DGKH: variants seen among roughly 807,000 people sequenced by gnomAD.
The protein encoded by DGKH is DAG kinase eta.
DGKH carries 90 observed loss-of-function variants against 159.3 expected under a neutral mutation model. The observed-to-expected ratio is 0.57, with a 90% confidence interval of 0.48 to 0.67. The LOEUF is 0.67. DGKH is among the 30% of genes least tolerant of loss of function. The pLI, the probability that DGKH is intolerant of heterozygous loss-of-function variation, is 0.00. For synonymous variants in DGKH, 536 were observed against 553.8 expected, an observed-to-expected ratio of 0.97 and a Z score of 0.45; for missense variants, 1,181 against 1,506.1, an observed-to-expected ratio of 0.78 and a Z score of 3.57.
intron 17 of DGKH, among the ~76,000 whole-genome samples, chr13:42,197,853 T>A (rs990071500): frequency 6.6e-6 from 1 of 152,274 alleles, no homozygotes; most frequent in Non-Finnish European, 1.5e-5. Context: ...ATCATAAAAT[T>A]CATTAGCTTT....
At chr13:42,200,424 G>C (rs751642878) in intron 20 of DGKH, among the ~76,000 whole-genome samples, 9 of 152,126 alleles carry the variant, frequency 5.9e-5, no homozygotes, top group Non-Finnish European at 1.3e-4. Flanking sequence ...GACAGAAAAA[G>C]TTATTTTATT....
intron 11 of DGKH, among the ~76,000 whole-genome samples, chr13:42,169,105 T>C (rs1237309819): frequency 6.6e-6 from 1 of 152,200 alleles, no homozygotes; most frequent in African/African-American, 2.4e-5. Context: ...ACTATTTACT[T>C]TTAATTGCAG....
chr13:42,142,555 A>G (rs1450207683), intron 3 of DGKH, among the ~76,000 whole-genome samples: 16 of 151,498 alleles, frequency 1.1e-4, no homozygotes, highest in African/African-American at 3.9e-4. Flanking sequence ...ATTTGTTTGT[A>G]TCCTCTTTTA....
chr13:42,063,932 TCC>T (rs1882369876), intron 1 of DGKH, among the ~76,000 whole-genome samples: 2 of 78,290 alleles, frequency 2.6e-5, no homozygotes, highest in African/African-American at 7.7e-5. Flanking sequence ...AGAGCAAAAC[TCC>T]GTCTGAAAAA....
At chr13:42,140,701 G>A (rs1955524699) in intron 3 of DGKH, 1 of 152,058 alleles carries the variant, frequency 6.6e-6, no homozygotes, top group African/African-American at 2.4e-5. Context: ...TTACCTAGAC[G>A]TCACTGTGGT....
intron 3 of DGKH, among the ~76,000 whole-genome samples, chr13:42,145,623 TGACATCAG>T (rs1301630049): frequency 3.9e-5 from 6 of 152,332 alleles, no homozygotes; most frequent in African/African-American, 1.4e-4. Flanking sequence ...CCCTGGCCCT[TGACATCAG>T]GACTTGGTAA....
At position 42,237,507 on chromosome 13, in the gene DGKH, C is replaced by A. The variant is rs1276135662; in HGVS notation, c.*8319C>A. ...GAACAAATAGTTTGAACATAGATTTCTTTCACCTTATATGATAGAAACACA... is the reference window on the plus strand; with the variant it reads ...GAACAAATAGTTTGAACATAGATTTATTTCACCTTATATGATAGAAACACA... On this transcript the variant is annotated 3_prime_UTR_variant, in exon 30 of 30. Transcript: ENST00000337343. 6.6e-6 allele frequency: 1 copy of A among 152,190 alleles called. No homozygotes were observed. Among genetic ancestry groups the A allele is most frequent in the Non-Finnish European group, 1.5e-5 (1 of 68,032 alleles). 9.4% of individuals were successfully genotyped at this position (152,190 alleles called of 1,614,324 possible).
intron 23 of DGKH, among the ~76,000 whole-genome samples, chr13:42,209,672 G>A (rs2138198950): frequency 1.3e-5 from 2 of 152,282 alleles, no homozygotes; most frequent in Admixed American, 1.3e-4. Flanking sequence ...AAACTGGGCA[G>A]AAAGTAAAGA....
intron 3 of DGKH, among the ~76,000 whole-genome samples, chr13:42,130,259 T>C (rs1356793604): frequency 6.6e-6 from 1 of 152,228 alleles, no homozygotes; most frequent in African/African-American, 2.4e-5. Context: ...GCAGCAATTC[T>C]ACCCATGCCT....
chr13:42,095,165 T>TTC (rs1566098298), intron 1 of DGKH, among the ~76,000 whole-genome samples: 1 of 135,656 alleles, frequency 7.4e-6, no homozygotes, highest in Non-Finnish European at 1.6e-5. Context: ...CCTTTTTTTT[T>TTC]TTTTTTTTTT....
In DGKH at chr13:42,236,895, T is replaced by A. The variant is rs985257174; in HGVS notation, c.*7707T>A. On this transcript the variant is annotated 3_prime_UTR_variant, in exon 30 of 30. Coordinates refer to ENST00000337343, the MANE Select transcript of DGKH (RefSeq NM_178009.5). ...TCCAGCCTGGGCGACAGAGCGAGACTCTGTCTCAGGGGGAAAAAAAAGAAT... is the reference window on the plus strand; with the variant it reads ...TCCAGCCTGGGCGACAGAGCGAGACACTGTCTCAGGGGGAAAAAAAAGAAT... The A allele has an allele frequency of 2.0e-5, 3 of 152,076 alleles. No homozygotes were observed. Among genetic ancestry groups the A allele is most frequent in the Admixed American group, 6.5e-5 (1 of 15,268 alleles). The allele number at this position is 152,076 out of a possible 1,614,324, so 9.4% of individuals were successfully genotyped here.
intron 13 of DGKH, among the ~76,000 whole-genome samples, 164 bp from the exon 14 acceptor site, chr13:42,186,885 C>T (rs1956942909): frequency 6.6e-6 from 1 of 152,190 alleles, no homozygotes; most frequent in Non-Finnish European, 1.5e-5. Flanking sequence ...ATGTCTTGGA[C>T]TTATGTGAGA....
rs1356512186 is a variant in DGKH, at chr13:42,192,574, C to T, written c.2035+2049C>T. ...CTCCTCCTCCCTTCCTCCTCCTCCT[C>T]CTTCTTCTTCTTTTTCCTCTTCCTC... On this transcript the variant is annotated intron_variant, in intron 16 of 29. Transcript: ENST00000337343. 1.0e-4 allele frequency among the ~76,000 whole-genome samples: 14 copies of T among 135,364 alleles called. No homozygotes were observed. The South Asian group carries it at 1.5e-3, about 15-fold the overall frequency. 88.8% of individuals were successfully genotyped at this position (135,364 alleles called of 152,430 possible).
intron 15 of DGKH, among the ~76,000 whole-genome samples, chr13:42,189,804 C>T (rs939762775): frequency 3.3e-5 from 5 of 151,960 alleles, no homozygotes; most frequent in African/African-American, 1.2e-4. Flanking sequence ...GTAGTTGGGA[C>T]CACAGATGTG....
intron 1 of DGKH, among the ~76,000 whole-genome samples, chr13:42,108,028 C>T (rs755592162): frequency 3.3e-5 from 5 of 152,238 alleles, no homozygotes; most frequent in Non-Finnish European, 5.9e-5. Context: ...TGCTTTATTA[C>T]GAGTCCTTAA....
chr13:42,229,008 T>G, intron 29 of DGKH, 91 bp from the exon 30 acceptor site: 9 of 1,102,064 alleles, frequency 8.2e-6, no homozygotes, highest in Middle Eastern at 2.5e-4. Flanking sequence ...TCAATAAACT[T>G]TTTTCCTTTT....
chr13:42,115,455 A>G (rs186919977), intron 1 of DGKH, among the ~76,000 whole-genome samples: 1 of 152,324 alleles, frequency 6.6e-6, no homozygotes, highest in African/African-American at 2.4e-5. Flanking sequence ...GATTAATGCT[A>G]TAAATAATGC....
Position 42,135,373 on chromosome 13 carries a change from C to T in DGKH, c.384+5741C>T, listed in dbSNP as rs149180098. ...AATTAACTGAGCATCGTGGTGCATG[C>T]CTGTAGTCAAAGCTACTCAGGAGGC... On this transcript the variant is annotated intron_variant, in intron 3 of 29. Transcript: ENST00000337343. Among the ~76,000 whole-genome samples the T allele has an allele frequency of 3.5e-3, 536 of 151,158 alleles. 8 individuals are homozygous for T. In the East Asian group the frequency reaches 0.047, roughly 13 times the overall value.
At chr13:42,044,578 T>C (rs769497955), upstream of DGKH, among the ~76,000 whole-genome samples, 1 of 152,182 alleles carries the variant, frequency 6.6e-6, no homozygotes, top group Non-Finnish European at 1.5e-5. Flanking sequence ...AGTGAGCCAC[T>C]GCGCCCGCCC....
Sources: gnomAD v4.1 joint callset for allele counts (sites outside exome capture counted in the v4.1 genomes callset) on GRCh38, gnomAD v4.1.1 for gene constraint, MANE v1.5 for transcripts, NCBI Gene and HGNC (gene_info 2026-07-23, HGNC 2026-07-21) for gene names.